CCL28: variants seen among roughly 807,000 people sequenced by gnomAD.
CCL28 encodes C-C motif chemokine 28.
In CCL28, 4 loss-of-function variants were observed where a neutral mutation model predicts 7.1. That is an observed-to-expected ratio of 0.56 (90% CI 0.28 to 1.29). The LOEUF (loss-of-function observed/expected upper bound fraction) is 1.29. CCL28 is among the 50% of genes most tolerant of loss of function. CCL28 has a pLI of 0.11. For synonymous variants in CCL28, 55 were observed against 57.8 expected (o/e 0.95, Z 0.22); for missense variants, 151 against 163.4 (o/e 0.92, Z 0.41).
chr5:43,411,868 A>G (rs970845298), intron 1 of CCL28, among the ~76,000 whole-genome samples: 5 of 152,224 alleles, frequency 3.3e-5, no homozygotes, highest in Non-Finnish European at 2.9e-5. Flanking sequence ...GAATGTGCAC[A>G]GTTGTGTTCA....
intron 2 of CCL28, among the ~76,000 whole-genome samples, chr5:43,386,757 T>C (rs1190471446): frequency 1.3e-5 from 2 of 152,204 alleles, no homozygotes; most frequent in African/African-American, 2.4e-5. Context: ...AACGCTTATC[T>C]TGGAGCAGTT....
chr5:43,405,353 T>C (rs1741230329), intron 1 of CCL28, among the ~76,000 whole-genome samples: 2 of 152,176 alleles, frequency 1.3e-5, no homozygotes, highest in Non-Finnish European at 2.9e-5. Context: ...CACTCAAAAC[T>C]GCTTAACTAC....
chr5:43,407,920 C>A (rs1221775493), intron 1 of CCL28, among the ~76,000 whole-genome samples: 1 of 152,100 alleles, frequency 6.6e-6, no homozygotes, highest in African/African-American at 2.4e-5. Context: ...CAGAGAAATG[C>A]AAATCAAAAC....
chr5:43,393,179 T>A (rs1740650914), intron 1 of CCL28, among the ~76,000 whole-genome samples: 2 of 152,156 alleles, frequency 1.3e-5, no homozygotes, highest in Admixed American at 6.5e-5. Flanking sequence ...CCATACTTTT[T>A]AAAATGTATG....
At chr5:43,388,120 G>C in intron 2 of CCL28, 1 of 474,242 alleles carries the variant, frequency 2.1e-6, no homozygotes, top group South Asian at 3.3e-5. Context: ...GCACTACAGG[G>C]TGGAAGTAGA....
the CCL28 span, among the ~76,000 whole-genome samples, chr5:43,368,854 G>T: frequency 6.6e-6 from 1 of 152,048 alleles, no homozygotes; most frequent in Non-Finnish European, 1.5e-5. Context: ...AACCAACCCG[G>T]TTGATACCTT....
At chr5:43,388,302 G>A in intron 2 of CCL28, 48 bp downstream of exon 2, 1 of 1,605,482 alleles carries the variant, frequency 6.2e-7, no homozygotes, top group Non-Finnish European at 8.5e-7. Flanking sequence ...GTTGGGCAGG[G>A]AAATAATCAC....
At chr5:43,361,907 G>T in the CCL28 span, among the ~76,000 whole-genome samples, 1 of 150,910 alleles carries the variant, frequency 6.6e-6, no homozygotes, top group Non-Finnish European at 1.5e-5. Context: ...TAGCCGTGTA[G>T]TATAGTTCAA....
rs763713971 is a variant in CCL28, at chr5:43,412,297, G to A, written c.20C>T (p.Ala7Val). ...CGCACAGACAGCCAAGGCCACGATG[G>A]CGAGTCCTCTCTGCTGCATTCCTGC... is the stretch of plus-strand genomic sequence containing the variant. MQQRGL[A>V]IVALAVCAAL... The change falls in exon 1 of 3, where the codon GCC (alanine) becomes GTC (valine). Residue 7 changes from alanine to valine, a missense_variant. By Grantham distance (64) the Ala-to-Val change is moderately conservative. Transcript: ENST00000361115. 3.1e-6 allele frequency: 5 copies of A among 1,613,016 alleles called. No individual in the cohort carries two copies. The South Asian group carries it at 3.3e-5, about 11-fold the overall frequency.
rs564588523 is a variant in CCL28, at chr5:43,409,532, GAAC to G, written c.64+2718_64+2720del. ...CCACAATTGGAGTCCCAATTGTGCA[GAAC>G]AACATTGAGTCACAAATGTATATTC... On this transcript the variant is annotated intron_variant, in intron 1 of 2. Coordinates refer to ENST00000361115, the MANE Select transcript of CCL28 (RefSeq NM_148672.3). Among the ~76,000 whole-genome samples, 546 of 152,214 alleles carry G rather than the reference GAAC, an allele frequency of 3.6e-3. 4 individuals carry two copies. Among genetic ancestry groups the G allele is most frequent in the African/African-American group, 0.013 (525 of 41,512 alleles).
At chr5:43,364,565 T>C in the CCL28 span, among the ~76,000 whole-genome samples, 2 of 152,154 alleles carry the variant, frequency 1.3e-5, no homozygotes, top group Non-Finnish European at 2.9e-5. Flanking sequence ...GGTATATTAA[T>C]CTCAAAATAA....
chr5:43,372,630 A>T (rs1213100073), downstream of CCL28, among the ~76,000 whole-genome samples: 2 of 152,098 alleles, frequency 1.3e-5, no homozygotes, highest in African/African-American at 4.8e-5. Flanking sequence ...TGGGCTCCCA[A>T]AATGCTAGGA....
chr5:43,403,393 C>A (rs1426562283), intron 1 of CCL28, among the ~76,000 whole-genome samples: 1 of 152,176 alleles, frequency 6.6e-6, no homozygotes, highest in Non-Finnish European at 1.5e-5. Context: ...GATATCCAGG[C>A]AAACAGGGTC....
chr5:43,403,534 G>A (rs1741132020), intron 1 of CCL28, among the ~76,000 whole-genome samples: 1 of 152,008 alleles, frequency 6.6e-6, no homozygotes, highest in Non-Finnish European at 1.5e-5. Flanking sequence ...AAAGACCAAA[G>A]GTAGACAAAA....
chr5:43,405,712 GT>G (rs780593163), intron 1 of CCL28, among the ~76,000 whole-genome samples: 2 of 152,124 alleles, frequency 1.3e-5, no homozygotes, highest in Non-Finnish European at 2.9e-5. Flanking sequence ...CCAGGAGCTG[GT>G]TTTTTGAAAA....
At chr5:43,365,293 G>A in the CCL28 span, among the ~76,000 whole-genome samples, 1 of 152,130 alleles carries the variant, frequency 6.6e-6, no homozygotes, top group Non-Finnish European at 1.5e-5. Flanking sequence ...ATGAGCCACT[G>A]TGCCCAGTGG....
intron 2 of CCL28, among the ~76,000 whole-genome samples, chr5:43,386,805 AG>A (rs1740353231): frequency 6.6e-6 from 1 of 152,138 alleles, no homozygotes; most frequent in Non-Finnish European, 1.5e-5. Context: ...TCCCTCTGAA[AG>A]GGGGGAAAAT....
chr5:43,401,730 G>T (rs1185625849), intron 1 of CCL28, among the ~76,000 whole-genome samples: 1 of 152,140 alleles, frequency 6.6e-6, no homozygotes, highest in African/African-American at 2.4e-5. Flanking sequence ...AAGTATACAG[G>T]TGCCCATTAA....
At chr5:43,392,989 ACAT>A (rs1740639571) in intron 1 of CCL28, among the ~76,000 whole-genome samples, 1 of 152,198 alleles carries the variant, frequency 6.6e-6, no homozygotes, top group African/African-American at 2.4e-5. Context: ...CATAAAAATA[ACAT>A]AATAATAATT....
Sources: gnomAD v4.1 joint callset for allele counts (sites outside exome capture counted in the v4.1 genomes callset) on GRCh38, gnomAD v4.1.1 for gene constraint, MANE v1.5 for transcripts, NCBI Gene and HGNC (gene_info 2026-07-23, HGNC 2026-07-21) for gene names.